The following IGFL2 variants were observed in gnomAD, a reference collection of about 807,000 sequenced individuals.
The protein encoded by IGFL2 is IGF like family member 2.
In IGFL2, 7 loss-of-function variants were observed where a neutral mutation model predicts 13.9. The ratio of observed to expected loss-of-function variants is 0.51; its 90% confidence interval spans 0.29 to 0.95. The LOEUF (loss-of-function observed/expected upper bound fraction) is 0.95. Among genes scored for constraint, IGFL2 ranks in the 40% least tolerant of loss-of-function variants. The pLI is 0.08. For missense variants in IGFL2, 138 were observed against 147.8 expected (o/e 0.93, Z 0.34); for synonymous variants, 55 against 55.8 (o/e 0.99, Z 0.07).
chr19:46,180,464 A>T, the IGFL2 span: 6 of 152,194 alleles, frequency 3.9e-5, no homozygotes, highest in African/African-American at 1.4e-4. Flanking sequence ...AGCGTGAGCC[A>T]CCGCGCCCAG....
At chr19:46,126,088 C>T in the IGFL2 span, among the ~76,000 whole-genome samples, 1 of 151,334 alleles carries the variant, frequency 6.6e-6, no homozygotes, top group Non-Finnish European at 1.5e-5. Flanking sequence ...GAAAGATACA[C>T]TGTTGTTTTG....
chr19:46,141,599 A>G (rs1011351057), upstream of IGFL2, among the ~76,000 whole-genome samples: 6 of 152,098 alleles, frequency 3.9e-5, no homozygotes, highest in African/African-American at 1.4e-4. Flanking sequence ...CCAGCTGAAC[A>G]GCCACTCCTA....
the IGFL2 span, chr19:46,136,810 G>A: frequency 4.4e-6 from 3 of 684,668 alleles, no homozygotes; most frequent in Admixed American, 5.4e-5. Context: ...TTCACTAGAA[G>A]CTGAAATCCA....
chr19:46,188,852 C>T, the IGFL2 span, among the ~76,000 whole-genome samples: 7 of 152,244 alleles, frequency 4.6e-5, no homozygotes, highest in Admixed American at 2.0e-4. Context: ...ACAGAGCCCC[C>T]ATTCATCCTG....
At chr19:46,116,382 T>G in the IGFL2 span, among the ~76,000 whole-genome samples, 1 of 152,352 alleles carries the variant, frequency 6.6e-6, no homozygotes, top group Admixed American at 6.5e-5. Context: ...ATTTACCTAA[T>G]AGTCTGACTG....
rs756531188 is a variant in IGFL2, at chr19:46,160,632, C to A, written c.92C>A (p.Pro31Gln). The change falls in exon 3 of 4, where the codon CCA becomes CAA. Residue 31 changes from proline to glutamine, a missense_variant. Physicochemically the swap from Pro to Gln is moderately conservative, Grantham distance 76. Transcript: ENST00000377693. Reference protein sequence around the residue: ...REVIAPAGSEPWLCQPAPRCG... With the variant: ...REVIAPAGSEQWLCQPAPRCG... The stretch of plus-strand genomic sequence containing the variant: ...TGTCCAGCTCCCGCTGGCTCAGAAC[C>A]ATGGCTGTGCCAGCCGGCACCCAGG... 6.2e-7 allele frequency: 1 copy of A among 1,614,050 alleles called. No homozygotes were observed. The highest frequency in any genetic ancestry group is 2.2e-5 in the East Asian group (1 of 44,890).
downstream of IGFL2, among the ~76,000 whole-genome samples, chr19:46,163,408 G>T (rs902576389): frequency 6.6e-6 from 1 of 152,212 alleles, no homozygotes; most frequent in Admixed American, 6.5e-5. Context: ...CAGCCACTCA[G>T]TGCAGTCAGC....
chr19:46,126,140 CAG>C, the IGFL2 span, among the ~76,000 whole-genome samples: 1 of 151,282 alleles, frequency 6.6e-6, no homozygotes, highest in Non-Finnish European at 1.5e-5. Context: ...TGTTTATTAA[CAG>C]AGCTTCTTGC....
chr19:46,106,705 G>T, the IGFL2 span, among the ~76,000 whole-genome samples: 2 of 152,176 alleles, frequency 1.3e-5, no homozygotes, highest in Non-Finnish European at 2.9e-5. Flanking sequence ...TAGGAGAGTT[G>T]TAAGGAGAGT....
chr19:46,123,773 C>T, the IGFL2 span: 15 of 1,225,806 alleles, frequency 1.2e-5, no homozygotes, highest in South Asian at 2.2e-4. Flanking sequence ...CTGCTGCCAC[C>T]AGCCTGACTC....
chr19:46,194,550 G>A, the IGFL2 span, among the ~76,000 whole-genome samples: 1 of 152,210 alleles, frequency 6.6e-6, no homozygotes, highest in South Asian at 2.1e-4. Flanking sequence ...GGCCGGACAC[G>A]GTGGCTCACG....
At chr19:46,182,821 C>T in the IGFL2 span, among the ~76,000 whole-genome samples, 4 of 152,110 alleles carry the variant, frequency 2.6e-5, no homozygotes, top group Non-Finnish European at 5.9e-5. Flanking sequence ...CCTCTCCCTA[C>T]ACTCCTGCCC....
chr19:46,188,472 C>T, the IGFL2 span, among the ~76,000 whole-genome samples: 1 of 152,168 alleles, frequency 6.6e-6, no homozygotes, highest in Non-Finnish European at 1.5e-5. Flanking sequence ...GACCAACTCC[C>T]ATGCAGGATA....
At chr19:46,114,775 G>C in the IGFL2 span, among the ~76,000 whole-genome samples, 1 of 152,164 alleles carries the variant, frequency 6.6e-6, no homozygotes, top group Non-Finnish European at 1.5e-5. Flanking sequence ...GCGGAACTGT[G>C]AGCCAATTAA....
At chr19:46,107,277 G>A in the IGFL2 span, among the ~76,000 whole-genome samples, 10 of 152,314 alleles carry the variant, frequency 6.6e-5, no homozygotes, top group African/African-American at 2.2e-4. Context: ...GATGGTCCAG[G>A]AGGTTTCCAA....
chr19:46,111,191 T>C, the IGFL2 span: 5 of 152,726 alleles, frequency 3.3e-5, no homozygotes, highest in Non-Finnish European at 7.3e-5. Context: ...TAACCCTTTT[T>C]CCACTTGAAT....
chr19:46,133,215 A>G, the IGFL2 span, among the ~76,000 whole-genome samples: 82 of 152,236 alleles, frequency 5.4e-4, no homozygotes, highest in East Asian at 0.013. Flanking sequence ...ATTGTTGGGA[A>G]TGGGTGCTCG....
At chr19:46,079,983 C>T in the IGFL2 span, among the ~76,000 whole-genome samples, 1 of 152,114 alleles carries the variant, frequency 6.6e-6, no homozygotes, top group Non-Finnish European at 1.5e-5. Flanking sequence ...GAGGAAGATT[C>T]TTAACCGTGA....
chr19:46,116,911 A>G, the IGFL2 span, among the ~76,000 whole-genome samples: 2 of 152,148 alleles, frequency 1.3e-5, no homozygotes, highest in Admixed American at 1.3e-4. Context: ...AATTATTTAT[A>G]TTGTACAACT....
Sources: gnomAD v4.1 joint callset for allele counts (sites outside exome capture counted in the v4.1 genomes callset) on GRCh38, gnomAD v4.1.1 for gene constraint, MANE v1.5 for transcripts, NCBI Gene and HGNC (gene_info 2026-07-23, HGNC 2026-07-21) for gene names.